Variants in ARAP2 observed in about 807,000 individuals in gnomAD.
The protein encoded by ARAP2 is ArfGAP with RhoGAP domain, ankyrin repeat and PH domain 2.
In ARAP2, 148 loss-of-function variants were observed where a neutral mutation model predicts 194.5. The observed-to-expected ratio is 0.76, with a 90% CI of 0.67 to 0.87. ARAP2 has a LOEUF of 0.87. Among genes scored for constraint, ARAP2 ranks in the 40% least tolerant of loss-of-function variants. The probability of loss-of-function intolerance (pLI) is 0.00; values close to 1 mark genes in which losing one functional copy is unlikely to be tolerated. For synonymous variants in ARAP2, 695 were observed against 683.5 expected (o/e 1.02, Z -0.26); for missense variants, 2,128 against 1,989.7 (o/e 1.07, Z -1.32).
At chr4:36,045,805 C>A (rs898404726) in intron 5 of ARAP2, among the ~76,000 whole-genome samples, 1 of 151,490 alleles carries the variant, frequency 6.6e-6, no homozygotes, top group African/African-American at 2.4e-5. Flanking sequence ...TCACATTGTA[C>A]CCCAAAAAGA....
At chr4:36,161,418 C>T in intron 12 of ARAP2, 47 bp downstream of exon 12, 1 of 1,513,558 alleles carries the variant, frequency 6.6e-7, no homozygotes, top group Non-Finnish European at 9.2e-7. Flanking sequence ...CCAGTCTCTG[C>T]AAACTGAACC....
intron 6 of ARAP2, among the ~76,000 whole-genome samples, chr4:36,202,830 C>T (rs941290464): frequency 6.6e-6 from 1 of 152,188 alleles, no homozygotes; most frequent in African/African-American, 2.4e-5. Flanking sequence ...CAAATCAACA[C>T]TGACCAGAGA....
intron 2 of ARAP2, among the ~76,000 whole-genome samples, chr4:36,218,012 C>T (rs1057085174): frequency 6.6e-6 from 1 of 151,574 alleles, no homozygotes; most frequent in Non-Finnish European, 1.5e-5. Flanking sequence ...AACAAAGGAC[C>T]AATAATGACA....
At chr4:36,170,487 CA>C (rs569485365) in intron 9 of ARAP2, among the ~76,000 whole-genome samples, 1 of 152,154 alleles carries the variant, frequency 6.6e-6, no homozygotes, top group Non-Finnish European at 1.5e-5. Flanking sequence ...TCAGAACATA[CA>C]AAAACCAAAA....
intron 9 of ARAP2, among the ~76,000 whole-genome samples, chr4:36,169,511 C>A (rs1371134449): frequency 6.6e-6 from 1 of 151,648 alleles, no homozygotes; most frequent in African/African-American, 2.4e-5. Flanking sequence ...CTCAAATTTC[C>A]CCCAAACAAG....
In ARAP2 at chr4:36,179,463, A is replaced by G. The variant is rs537527213; in HGVS notation, c.1679-1458T>C. On this transcript the variant is annotated intron_variant, in intron 8 of 32. Transcript: ENST00000303965. Reference sequence around the variant, plus strand: ...ATGCGCATCCACGCAGACTCATAGCACTATGTGAACAACAGTAACCTGTAC... The same window carrying G: ...ATGCGCATCCACGCAGACTCATAGCGCTATGTGAACAACAGTAACCTGTAC... Among the ~76,000 whole-genome samples, 5 of 152,326 alleles carry G rather than the reference A, an allele frequency of 3.3e-5. No individual in the cohort carries two copies. The South Asian group carries it at 1.0e-3, about 32-fold the overall frequency.
chr4:36,203,367 T>C (rs944911852), intron 6 of ARAP2, among the ~76,000 whole-genome samples: 1 of 152,036 alleles, frequency 6.6e-6, no homozygotes, highest in African/African-American at 2.4e-5. Flanking sequence ...GTGGATCACC[T>C]GAGGTCAGGA....
intron 5 of ARAP2, among the ~76,000 whole-genome samples, chr4:36,043,798 G>GGGAAT: frequency 1.9e-5 from 1 of 52,614 alleles, no homozygotes. Context: ...GAGAAGAGAA[G>GGGAAT]GGAAGGGAAG....
At chr4:36,020,413 G>A (rs879237880) in intron 5 of ARAP2, among the ~76,000 whole-genome samples, 2 of 149,158 alleles carry the variant, frequency 1.3e-5, no homozygotes, top group South Asian at 4.2e-4. Flanking sequence ...CAAGGCCCCC[G>A]CCCCCACCTA....
chr4:36,102,748 G>T (rs1452128181), intron 27 of ARAP2, among the ~76,000 whole-genome samples: 1 of 151,748 alleles, frequency 6.6e-6, no homozygotes, highest in Non-Finnish European at 1.5e-5. Context: ...TTCTTTCTGG[G>T]TATAGACAAT....
At chr4:36,181,427 A>C (rs1739220187) in intron 8 of ARAP2, among the ~76,000 whole-genome samples, 1 of 152,216 alleles carries the variant, frequency 6.6e-6, no homozygotes, top group Non-Finnish European at 1.5e-5. Flanking sequence ...GTTTAAGAAA[A>C]ATCGAGACAA....
At chr4:36,178,483 C>G (rs558839793) in intron 8 of ARAP2, among the ~76,000 whole-genome samples, 1 of 152,324 alleles carries the variant, frequency 6.6e-6, no homozygotes, top group Middle Eastern at 3.4e-3. Context: ...GGAACCTGCT[C>G]TAGAGTATGC....
At chr4:36,164,811 A>T in intron 11 of ARAP2, 103 bp downstream of exon 11, 2 of 1,116,270 alleles carry the variant, frequency 1.8e-6, no homozygotes, top group Non-Finnish European at 1.3e-6. Flanking sequence ...CTCTGGTTTT[A>T]CTTCTCATAA....
chr4:36,148,638 T>C, intron 16 of ARAP2, 131 bp from the exon 17 acceptor site: 2 of 677,402 alleles, frequency 3.0e-6, no homozygotes, highest in Non-Finnish European at 4.9e-6. Flanking sequence ...TCCTATTAGA[T>C]TCTGTTAATG....
At chr4:36,126,746 C>T (rs1437457233) in intron 21 of ARAP2, among the ~76,000 whole-genome samples, 1 of 152,048 alleles carries the variant, frequency 6.6e-6, no homozygotes, top group Non-Finnish European at 1.5e-5. Flanking sequence ...CACTCCTACC[C>T]CTGCTGACTA....
intron 24 of ARAP2, 85 bp from the exon 25 acceptor site, chr4:36,117,220 A>C (rs1036321444): frequency 3.3e-6 from 3 of 911,546 alleles, no homozygotes; most frequent in African/African-American, 1.8e-5. Flanking sequence ...ATAAAGCCCC[A>C]GTCATATTTC....
chr4:36,033,831 G>A (rs556949445), intron 5 of ARAP2, among the ~76,000 whole-genome samples: 2 of 152,144 alleles, frequency 1.3e-5, no homozygotes, highest in Non-Finnish European at 2.9e-5. Flanking sequence ...TGTATACAGT[G>A]TAAGGAATGG....
chr4:36,101,398 T>A lies in ARAP2; in HGVS notation c.4285+6167A>T, dbSNP rs979995407. Among the ~76,000 whole-genome samples, 854 of 151,790 alleles carry A rather than the reference T, an allele frequency of 5.6e-3. 7 individuals carry two copies. Among genetic ancestry groups the A allele is most frequent in the African/African-American group, 0.019 (804 of 41,460 alleles). On this transcript the variant is annotated intron_variant, in intron 27 of 32. Transcript: ENST00000303965. ...GGATTTAATACAAAAGTACCAGAGT[T>A]TTTTTTTTTTTGCTATTTTACTACT...
chr4:36,078,806 T>G (rs1728819814), intron 31 of ARAP2, among the ~76,000 whole-genome samples: 1 of 152,182 alleles, frequency 6.6e-6, no homozygotes, highest in African/African-American at 2.4e-5. Flanking sequence ...CAAATGACAC[T>G]GTAACAGCTT....
Sources: allele counts gnomAD v4.1 joint callset (sites outside exome capture counted in the v4.1 genomes callset), GRCh38; gene constraint gnomAD v4.1.1; transcripts MANE v1.5; gene names NCBI Gene and HGNC (gene_info 2026-07-23, HGNC 2026-07-21).